Variants in CADM2 observed in about 807,000 individuals in gnomAD.
CADM2 encodes immunoglobulin superfamily member 4D.
CADM2 carries 12 observed loss-of-function variants against 49.8 expected under a neutral mutation model. The observed-to-expected ratio is 0.24, with a 90% CI of 0.15 to 0.39. The LOEUF is 0.39. CADM2 is among the 10% of genes least tolerant of loss of function. CADM2 has a pLI of 1.00. For missense variants in CADM2, 378 were observed against 492.3 expected, an observed-to-expected ratio of 0.77 and a Z score of 2.20; for synonymous variants, 214 against 175.4, an observed-to-expected ratio of 1.22 and a Z score of -1.74.
intron 1 of CADM2, among the ~76,000 whole-genome samples, chr3:85,219,941 ATAAG>A (rs2042010032): frequency 6.6e-6 from 1 of 152,168 alleles, no homozygotes; most frequent in African/African-American, 2.4e-5. Flanking sequence ...GGAGTTTTGA[ATAAG>A]TAAGTATGCA....
At chr3:85,660,561 C>G (rs1161532718) in intron 1 of CADM2, among the ~76,000 whole-genome samples, 1 of 151,706 alleles carries the variant, frequency 6.6e-6, no homozygotes, top group African/African-American at 2.4e-5. Context: ...ATGTGTCGTA[C>G]ACTGAATGGA....
At chr3:85,729,018 A>G (rs1239003125) in intron 2 of CADM2, among the ~76,000 whole-genome samples, 2 of 152,172 alleles carry the variant, frequency 1.3e-5, no homozygotes, top group East Asian at 3.9e-4. Context: ...TAATGTAGCA[A>G]CTAGCTCTTT....
intron 1 of CADM2, among the ~76,000 whole-genome samples, chr3:85,610,101 C>T (rs184806660): frequency 1.3e-5 from 2 of 151,988 alleles, no homozygotes; most frequent in Non-Finnish European, 1.5e-5. Context: ...TAGTTTTAAA[C>T]AGGGCTCAAA....
rs1739561076 is a variant in CADM2 at position 86,068,506 on chromosome 3, A to G, written c.*1723A>G. 6.6e-6 allele frequency: 1 copy of G among 151,960 alleles called. No individual in the cohort carries two copies. The highest frequency in any genetic ancestry group is 2.1e-4 in the South Asian group (1 of 4,834). The allele number at this position is 151,960 out of a possible 1,614,324, so 9.4% of individuals were successfully genotyped here. A position where few individuals can be genotyped will look rare whatever the true frequency, so the allele number is the denominator to read the frequency against. ...ATGGTTTTAAAAATAGTATTGTGGA[A>G]TATATTTTTGGGTAATAAGAATGGT... On this transcript the variant is annotated 3_prime_UTR_variant, in exon 10 of 10. Transcript: ENST00000383699.
intron 1 of CADM2, among the ~76,000 whole-genome samples, chr3:85,521,513 A>G (rs2061025504): frequency 6.6e-6 from 1 of 152,148 alleles, no homozygotes; most frequent in Admixed American, 6.5e-5. Flanking sequence ...GTTTGCTTTC[A>G]TGATTGTAAG....
chr3:85,215,726 T>C (rs2041909905), intron 1 of CADM2, among the ~76,000 whole-genome samples: 1 of 152,146 alleles, frequency 6.6e-6, no homozygotes, highest in Non-Finnish European at 1.5e-5. Flanking sequence ...TTGGGGGTCT[T>C]TCCGGGACTC....
At chr3:85,792,980 G>C (rs1229779072) in intron 2 of CADM2, among the ~76,000 whole-genome samples, 5 of 151,996 alleles carry the variant, frequency 3.3e-5, no homozygotes, top group African/African-American at 1.2e-4. Flanking sequence ...GACAGTGAAG[G>C]CACCATGGAA....
chr3:85,347,010 G>A (rs756196658), intron 1 of CADM2, among the ~76,000 whole-genome samples: 5 of 151,906 alleles, frequency 3.3e-5, no homozygotes, highest in African/African-American at 1.2e-4. Context: ...ATCACTTGAC[G>A]TCAGGAGTTC....
At chr3:85,387,431 G>C (rs182328309) in intron 1 of CADM2, among the ~76,000 whole-genome samples, 3 of 152,046 alleles carry the variant, frequency 2.0e-5, no homozygotes, top group Admixed American at 6.6e-5. Context: ...GAACAGAGTT[G>C]CATGCCTTTT....
chr3:85,586,211 T>C (rs2062942395), intron 1 of CADM2, among the ~76,000 whole-genome samples: 1 of 152,114 alleles, frequency 6.6e-6, no homozygotes, highest in Non-Finnish European at 1.5e-5. Flanking sequence ...TGCATCCCCC[T>C]AGCTCATGCT....
chr3:85,111,069 G>C (rs2038439686), intron 1 of CADM2, among the ~76,000 whole-genome samples: 1 of 151,832 alleles, frequency 6.6e-6, no homozygotes, highest in Non-Finnish European at 1.5e-5. Context: ...TGTGACATCA[G>C]ATCACTCTGG....
chr3:85,618,230 T>A (rs567330335), intron 1 of CADM2, among the ~76,000 whole-genome samples: 53 of 152,144 alleles, frequency 3.5e-4, no homozygotes, highest in African/African-American at 1.3e-3. Context: ...TTCTGAGATA[T>A]CCCGGGATCA....
intron 1 of CADM2, among the ~76,000 whole-genome samples, chr3:85,601,789 C>A (rs1308081218): frequency 6.6e-6 from 1 of 151,484 alleles, no homozygotes; most frequent in Non-Finnish European, 1.5e-5. Context: ...GAGTGATTTT[C>A]ATGAGCTTGT....
intron 1 of CADM2, among the ~76,000 whole-genome samples, chr3:85,092,474 C>G (rs76646610): frequency 0.017 from 2,599 of 152,236 alleles, 48 homozygotes; most frequent in African/African-American, 0.044. Context: ...ACAACCTCAT[C>G]CTCAGCATTT....
rs895578018 is a variant in CADM2, at chr3:85,764,997, T to C, written c.89-37050T>C. Among the ~76,000 whole-genome samples, 5 of 152,182 alleles carry C rather than the reference T, an allele frequency of 3.3e-5. No homozygotes were observed. The South Asian group carries it at 1.0e-3, about 32-fold the overall frequency. On this transcript the variant is annotated intron_variant, in intron 2 of 9. Coordinates refer to ENST00000383699, the MANE Select transcript of CADM2 (RefSeq NM_001167675.2). ...TGTTTTTTGTTTTTTTCTAAAGTGC[T>C]GCTTTTTCTAATAATTTTAGGGAGG...
intron 3 of CADM2, among the ~76,000 whole-genome samples, chr3:85,876,398 T>C (rs925781281): frequency 1.3e-5 from 2 of 152,176 alleles, no homozygotes; most frequent in Admixed American, 6.6e-5. Context: ...CATATTCAAT[T>C]TAATCTAATA....
chr3:86,009,580 C>T (rs1459829869), intron 8 of CADM2, among the ~76,000 whole-genome samples: 1 of 151,660 alleles, frequency 6.6e-6, no homozygotes, highest in Non-Finnish European at 1.5e-5. Context: ...TATGCTTTGC[C>T]ATTTTTATCT....
intron 1 of CADM2, among the ~76,000 whole-genome samples, chr3:85,344,166 G>A (rs1246378068): frequency 6.6e-6 from 1 of 151,772 alleles, no homozygotes; most frequent in Non-Finnish European, 1.5e-5. Context: ...ACGAAGTCAG[G>A]AGATCGAGAC....
At chr3:85,882,779 G>T (rs1016496547) in intron 3 of CADM2, among the ~76,000 whole-genome samples, 1 of 152,294 alleles carries the variant, frequency 6.6e-6, no homozygotes, top group East Asian at 1.9e-4. Context: ...TTAAAAGCCA[G>T]ATAGTTTACA....
Sources: gnomAD v4.1 joint callset for allele counts (sites outside exome capture counted in the v4.1 genomes callset) on GRCh38, gnomAD v4.1.1 for gene constraint, MANE v1.5 for transcripts, NCBI Gene and HGNC (gene_info 2026-07-23, HGNC 2026-07-21) for gene names.